Variants in CD53 observed in about 807,000 individuals in gnomAD.
CD53 encodes CD53 molecule.
A neutral mutation model predicts 27.3 loss-of-function variants in CD53; 20 were observed. The ratio of observed to expected loss-of-function variants is 0.73; its 90% confidence interval spans 0.52 to 1.07. CD53 has a LOEUF of 1.07. Among genes scored for constraint, CD53 ranks in the 50% least tolerant of loss-of-function variants. The pLI, the probability that CD53 is intolerant of heterozygous loss-of-function variation, is 0.00. For missense variants in CD53, 216 were observed against 264.0 expected, an observed-to-expected ratio of 0.82 and a Z score of 1.26; for synonymous variants, 106 against 105.3, an observed-to-expected ratio of 1.01 and a Z score of -0.04.
At chr1:110,885,532 T>C (rs957969326) in intron 1 of CD53, among the ~76,000 whole-genome samples, 2 of 151,214 alleles carry the variant, frequency 1.3e-5, no homozygotes, top group Admixed American at 6.6e-5. Flanking sequence ...AGCGAGACTC[T>C]GTCTCAAAAA....
chr1:110,875,574 GC>G (rs1226519981), intron 1 of CD53, among the ~76,000 whole-genome samples: 2 of 152,162 alleles, frequency 1.3e-5, no homozygotes, highest in African/African-American at 4.8e-5. Context: ...AGATTAGTCA[GC>G]CTAGGGCACT....
intron 1 of CD53, among the ~76,000 whole-genome samples, chr1:110,885,825 C>T (rs1656566450): frequency 6.6e-6 from 1 of 152,220 alleles, no homozygotes; most frequent in Non-Finnish European, 1.5e-5. Flanking sequence ...GATCACACCA[C>T]TGCACTCCAG....
At chr1:110,886,469 C>G (rs1191762511) in intron 1 of CD53, among the ~76,000 whole-genome samples, 1 of 152,126 alleles carries the variant, frequency 6.6e-6, no homozygotes, top group East Asian at 1.9e-4. Flanking sequence ...TCTCTCTTCT[C>G]TCCTCAATTT....
intron 1 of CD53, among the ~76,000 whole-genome samples, chr1:110,886,869 A>ATATAT (rs1298376721): frequency 4.0e-3 from 330 of 82,774 alleles, no homozygotes; most frequent in Middle Eastern, 6.4e-3. Context: ...ATATATATAT[A>ATATAT]TTTTTTTTTT....
intron 1 of CD53, among the ~76,000 whole-genome samples, chr1:110,881,212 C>A: frequency 6.6e-6 from 1 of 152,008 alleles, no homozygotes; most frequent in South Asian, 2.1e-4. Flanking sequence ...TTCTGTAATC[C>A]CTTTCTCTCA....
intron 3 of CD53, 137 bp downstream of exon 3, chr1:110,892,670 G>C (rs1656904630): frequency 2.7e-6 from 2 of 739,320 alleles, no homozygotes; most frequent in African/African-American, 3.5e-5. Context: ...GATCAGCCAA[G>C]TCTGCCCAGA....
Position 110,892,533 on chromosome 1 carries a change from G to T in CD53, c.252G>T (p.Ser84=). Residue 84 remains serine (S), a splice_region_variant and synonymous_variant, in exon 3 of 8, where the codon TCG becomes TCT. Transcript: ENST00000271324. ...SIKENKCLLM[S]FFILLLIILL... The stretch of plus-strand genomic sequence containing the variant: ...AGGAAAACAAGTGTCTGCTTATGTC[G>T]GTGAGTCCTTACAGCAGATGTGGTG... The T allele has an allele frequency of 6.2e-7, 1 of 1,612,258 alleles. No individual in the cohort carries two copies. Among genetic ancestry groups the T allele is most frequent in the East Asian group, 2.2e-5 (1 of 44,856 alleles).
At chr1:110,885,157 C>T (rs1336058285) in intron 1 of CD53, among the ~76,000 whole-genome samples, 1 of 152,118 alleles carries the variant, frequency 6.6e-6, no homozygotes, top group Non-Finnish European at 1.5e-5. Flanking sequence ...TTTCTCCCTT[C>T]CCAGTCTCTA....
chr1:110,882,208 A>T (rs1656383101), intron 1 of CD53, among the ~76,000 whole-genome samples: 1 of 152,132 alleles, frequency 6.6e-6, no homozygotes, highest in African/African-American at 2.4e-5. Flanking sequence ...TTCCTTCTGG[A>T]GAATTATAGT....
intron 1 of CD53, chr1:110,880,160 T>C (rs1034010282): frequency 1.3e-5 from 2 of 152,178 alleles, no homozygotes; most frequent in East Asian, 3.9e-4. Flanking sequence ...GTCATGCATC[T>C]AAGAGTCATA....
chr1:110,883,334 T>G (rs550627494), intron 1 of CD53, among the ~76,000 whole-genome samples: 5 of 152,140 alleles, frequency 3.3e-5, no homozygotes, highest in African/African-American at 1.2e-4. Flanking sequence ...TCTCTTTCAA[T>G]TCATTAATAT....
rs767732238 is a variant in CD53, at chr1:110,891,452, T to C, written c.44T>C (p.Phe15Ser). ...AAACTGCTGAAGTATGTCCTGTTTT[T>C]CTTCAACTTGCTCTTTTGGGTAAGT... ...SLKLLKYVLF[F>S]FNLLFWICGC... The change falls in exon 2 of 8, where the codon TTC (phenylalanine) becomes TCC (serine). Residue 15 changes from phenylalanine (F) to serine (S), a missense_variant. Phe to Ser is a radical substitution (Grantham distance 155, BLOSUM62 -2). Transcript: ENST00000271324. 6.2e-7 allele frequency: 1 copy of C among 1,613,862 alleles called. No homozygotes were observed. Among genetic ancestry groups the C allele is most frequent in the East Asian group, 2.2e-5 (1 of 44,888 alleles).
chr1:110,871,814 T>TAC (rs3068856), upstream of CD53, among the ~76,000 whole-genome samples: 8,145 of 145,486 alleles, frequency 0.056, 236 homozygotes, highest in African/African-American at 0.081. Flanking sequence ...CAAGAGAAAC[T>TAC]ACACACACAC....
rs1165805632 is a variant in CD53, at chr1:110,891,418, A to G, written c.10A>G (p.Ser4Gly). The change falls in exon 2 of 8, where the codon AGT (serine) becomes GGT (glycine). Residue 4 changes from serine to glycine, a missense_variant. Physicochemically the swap from Ser to Gly is moderately conservative, Grantham distance 56. Transcript: ENST00000271324. MGM[S>G]SLKLLKYVLF... Reference sequence around the variant, plus strand: ...GCAAGAATATCACGGCATGGGCATGAGTAGCTTGAAACTGCTGAAGTATGT... The same window carrying G: ...GCAAGAATATCACGGCATGGGCATGGGTAGCTTGAAACTGCTGAAGTATGT... The G allele has an allele frequency of 6.2e-7, 1 of 1,613,532 alleles. No homozygotes were observed. The highest frequency in any genetic ancestry group is 1.1e-5 in the South Asian group (1 of 91,072).
At chr1:110,893,800 G>GA (rs1280404427) in intron 3 of CD53, among the ~76,000 whole-genome samples, 1 of 152,194 alleles carries the variant, frequency 6.6e-6, no homozygotes, top group Non-Finnish European at 1.5e-5. Context: ...AGGAATAAGT[G>GA]AAAATGTTTT....
At chr1:110,885,288 C>T (rs10776716) in intron 1 of CD53, among the ~76,000 whole-genome samples, 148,763 of 152,284 alleles carry the variant, frequency 0.98, 72,762 homozygotes, top group East Asian at 1. Context: ...CGGTGGCTCA[C>T]GCCTGTAATC....
rs1018693519 is a variant in CD53 at position 110,899,253 on chromosome 1, T to C, written c.*58T>C. The C allele has an allele frequency of 5.2e-5, 65 of 1,243,868 alleles. 1 individual carries two copies. Among genetic ancestry groups the C allele is most frequent in the Admixed American group, 6.8e-5 (4 of 58,626 alleles). 77.1% of individuals were successfully genotyped at this position (1,243,868 alleles called of 1,614,324 possible). ...TCATCTCCGGAAATGCAAAACCATT[T>C]ATAGCATGAAGCCCTACATGATCAC... On this transcript the variant is annotated 3_prime_UTR_variant, in exon 8 of 8. Coordinates refer to ENST00000271324, the MANE Select transcript of CD53 (RefSeq NM_000560.4).
Position 110,899,505 on chromosome 1 carries a change from C to T in CD53, c.*310C>T, listed in dbSNP as rs985566227. 4.1e-6 allele frequency: 1 copy of T among 241,878 alleles called. No individual in the cohort carries two copies. Among genetic ancestry groups the T allele is most frequent in the Non-Finnish European group, 8.1e-6 (1 of 122,728 alleles). 15.0% of individuals were successfully genotyped at this position (241,878 alleles called of 1,614,324 possible). A position where few individuals can be genotyped will look rare whatever the true frequency, so the allele number is the denominator to read the frequency against. ...TAATGGCCCAACATCAAAGGGTGAA[C>T]CCAGGATATGAATTTTTGCATCTTC... On this transcript the variant is annotated 3_prime_UTR_variant, in exon 8 of 8. Coordinates refer to ENST00000271324, the MANE Select transcript of CD53 (RefSeq NM_000560.4).
intron 1 of CD53, among the ~76,000 whole-genome samples, chr1:110,886,595 T>C (rs937260828): frequency 2.6e-5 from 4 of 152,034 alleles, no homozygotes; most frequent in Non-Finnish European, 5.9e-5. Context: ...ACACCTGTAA[T>C]CCCAGCACTT....
Sources: gnomAD v4.1 joint callset for allele counts (sites outside exome capture counted in the v4.1 genomes callset) on GRCh38, gnomAD v4.1.1 for gene constraint, MANE v1.5 for transcripts, NCBI Gene and HGNC (gene_info 2026-07-23, HGNC 2026-07-21) for gene names.